DLG2: variants seen among roughly 807,000 people sequenced by gnomAD.
DLG2 encodes discs large MAGUK scaffold protein 2.
In DLG2, 45 loss-of-function variants were observed where a neutral mutation model predicts 132.5. That is an observed-to-expected ratio of 0.34 (90% confidence interval 0.27 to 0.44). DLG2 has a LOEUF of 0.44. DLG2 is among the 20% of genes least tolerant of loss of function. DLG2 has a pLI of 1.00. For missense variants in DLG2, 1,045 were observed against 1,196.9 expected (o/e 0.87, Z 1.87); for synonymous variants, 424 against 419.6 (o/e 1.01, Z -0.13).
rs144220104 is a variant in DLG2 at position 84,979,223 on chromosome 11, T to C, written c.357+132438A>G. Among the ~76,000 whole-genome samples, 416 of 152,222 alleles carry C rather than the reference T, an allele frequency of 2.7e-3. 1 individual carries two copies. The highest frequency in any genetic ancestry group is 9.7e-3 in the African/African-American group (401 of 41,542). On this transcript the variant is annotated intron_variant, in intron 6 of 27. Transcript: ENST00000376104. ...TTACAGTCACACACCTGTAAACTAG[T>C]TCAACCATTGTGGTAGGCAGTGTGG...
At chr11:83,562,863 G>C (rs764324841) in intron 19 of DLG2, among the ~76,000 whole-genome samples, 1 of 151,324 alleles carries the variant, frequency 6.6e-6, no homozygotes, top group African/African-American at 2.4e-5. Context: ...TACATTTCTT[G>C]AGCGCCTTAC....
intron 2 of DLG2, among the ~76,000 whole-genome samples, chr11:85,608,081 G>GGTCTAGGAGGAA (rs1299014856): frequency 6.6e-6 from 1 of 152,154 alleles, no homozygotes; most frequent in African/African-American, 2.4e-5. Flanking sequence ...TCCTCCTTGT[G>GGTCTAGGAGGAA]GTCTAGGAGG....
chr11:84,016,833 C>G (rs2514164), intron 11 of DLG2, among the ~76,000 whole-genome samples: 137,271 of 152,148 alleles, frequency 0.9, 61,998 homozygotes, highest in East Asian at 1. Context: ...GAATCTAGTA[C>G]AACCAAGATT....
At chr11:83,513,143 C>G (rs539900502) in intron 21 of DLG2, among the ~76,000 whole-genome samples, 2 of 152,294 alleles carry the variant, frequency 1.3e-5, no homozygotes, top group Admixed American at 6.5e-5. Context: ...GTTTATAGTC[C>G]CACCAGCAGT....
chr11:85,135,930 G>A (rs1308933147), intron 5 of DLG2, among the ~76,000 whole-genome samples: 1 of 152,274 alleles, frequency 6.6e-6, no homozygotes, highest in East Asian at 1.9e-4. Context: ...ATTTAACCCA[G>A]AATGGAGCAG....
intron 4 of DLG2, among the ~76,000 whole-genome samples, chr11:85,227,034 T>G (rs2075018878): frequency 6.6e-6 from 1 of 152,056 alleles, no homozygotes. Flanking sequence ...GGTATCAAGG[T>G]GGAGGGTCAG....
chr11:85,353,262 G>A (rs976046507), intron 3 of DLG2, among the ~76,000 whole-genome samples: 1 of 152,232 alleles, frequency 6.6e-6, no homozygotes, highest in Non-Finnish European at 1.5e-5. Context: ...GGCCATCAGA[G>A]AAATGCAAAT....
chr11:84,052,421 C>T (rs942300717), intron 11 of DLG2, among the ~76,000 whole-genome samples: 1 of 151,438 alleles, frequency 6.6e-6, no homozygotes, highest in African/African-American at 2.4e-5. Flanking sequence ...TTTTAAAGGA[C>T]CTCCCCCAAA....
chr11:84,358,011 T>G (rs2098628125), intron 7 of DLG2, among the ~76,000 whole-genome samples: 1 of 152,006 alleles, frequency 6.6e-6, no homozygotes, highest in Non-Finnish European at 1.5e-5. Flanking sequence ...ACTTTTATAG[T>G]ACTATTATAA....
intron 18 of DLG2, among the ~76,000 whole-genome samples, chr11:83,740,396 C>A (rs1469893994): frequency 1.3e-5 from 2 of 152,056 alleles, no homozygotes; most frequent in Non-Finnish European, 2.9e-5. Context: ...TTTAAGAAAC[C>A]AGACACAAAA....
At chr11:85,072,808 T>C (rs1233251561) in intron 6 of DLG2, among the ~76,000 whole-genome samples, 2 of 151,834 alleles carry the variant, frequency 1.3e-5, no homozygotes, top group African/African-American at 4.8e-5. Flanking sequence ...TATCGGTAAA[T>C]GCCATCTACA....
intron 3 of DLG2, among the ~76,000 whole-genome samples, chr11:85,439,125 A>C (rs1038035177): frequency 2.0e-5 from 3 of 152,162 alleles, no homozygotes; most frequent in Non-Finnish European, 4.4e-5. Context: ...GGCTATTAAA[A>C]ATAAACTGCT....
At chr11:84,574,498 CAATT>C (rs1165970811) in intron 6 of DLG2, among the ~76,000 whole-genome samples, 2 of 152,030 alleles carry the variant, frequency 1.3e-5, no homozygotes, top group Non-Finnish European at 2.9e-5. Context: ...ATCTTGATAT[CAATT>C]AGAGTTTTAC....
chr11:85,411,548 G>A (rs1269871052), intron 3 of DLG2, among the ~76,000 whole-genome samples: 1 of 151,820 alleles, frequency 6.6e-6, no homozygotes, highest in Non-Finnish European at 1.5e-5. Flanking sequence ...AATTTCTATT[G>A]TTTCACATCT....
At chr11:83,889,606 T>C (rs1362587432) in intron 15 of DLG2, among the ~76,000 whole-genome samples, 1 of 152,204 alleles carries the variant, frequency 6.6e-6, no homozygotes, top group African/African-American at 2.4e-5. Flanking sequence ...ATCCCATTAC[T>C]GGGTATATAC....
intron 3 of DLG2, among the ~76,000 whole-genome samples, chr11:85,501,279 C>G (rs530516860): frequency 1.3e-5 from 2 of 152,000 alleles, no homozygotes; most frequent in South Asian, 4.2e-4. Context: ...CAACATGGAC[C>G]AAAGACTTAA....
At chr11:85,144,917 T>A (rs893962662) in intron 5 of DLG2, among the ~76,000 whole-genome samples, 1 of 152,070 alleles carries the variant, frequency 6.6e-6, no homozygotes, top group African/African-American at 2.4e-5. Flanking sequence ...TACCAGTGAG[T>A]TTTGTACCTT....
intron 6 of DLG2, among the ~76,000 whole-genome samples, chr11:84,570,866 T>C (rs1019339384): frequency 1.3e-5 from 2 of 152,344 alleles, no homozygotes; most frequent in Admixed American, 1.3e-4. Context: ...TGCATTTTAT[T>C]CTATTCATTT....
At chr11:85,416,066 G>T (rs932053233) in intron 3 of DLG2, among the ~76,000 whole-genome samples, 5 of 152,078 alleles carry the variant, frequency 3.3e-5, no homozygotes, top group African/African-American at 1.2e-4. Flanking sequence ...TAAGGACGGG[G>T]TCCAGTTTCA....
Sources: allele counts gnomAD v4.1 joint callset (sites outside exome capture counted in the v4.1 genomes callset), GRCh38; gene constraint gnomAD v4.1.1; transcripts MANE v1.5; gene names NCBI Gene and HGNC (gene_info 2026-07-23, HGNC 2026-07-21).